CLSTN1: variants seen among roughly 807,000 people sequenced by gnomAD.
The protein encoded by CLSTN1 is calsyntenin 1, also known as calsyntenin-1.
CLSTN1 carries 28 observed loss-of-function variants against 108.3 expected under a neutral mutation model. That is an observed-to-expected ratio of 0.26 (90% CI 0.19 to 0.35). The LOEUF (loss-of-function observed/expected upper bound fraction) is 0.35, where lower values mean the gene tolerates loss of function less well. Among genes scored for constraint, CLSTN1 ranks in the 10% least tolerant of loss-of-function variants. The pLI is 1.00. For synonymous variants in CLSTN1, 524 were observed against 534.9 expected, an observed-to-expected ratio of 0.98 and a Z score of 0.28; for missense variants, 1,157 against 1,302.6, an observed-to-expected ratio of 0.89 and a Z score of 1.72.
intron 10 of CLSTN1, 30 bp downstream of exon 10, chr1:9,741,064 G>C (rs768911972): frequency 1.2e-6 from 2 of 1,602,270 alleles, no homozygotes; most frequent in African/African-American, 2.7e-5. Context: ...CTTAATTCTC[G>C]AGTCGAGGGC....
rs571859826 is a variant in CLSTN1, at chr1:9,793,813, T to C, written c.92-20419A>G. 4.0e-5 allele frequency among the ~76,000 whole-genome samples: 6 copies of C among 151,620 alleles called. No individual in the cohort carries two copies. In the South Asian group the frequency reaches 1.3e-3, roughly 33 times the overall value. Reference sequence around the variant, plus strand: ...ATCTCAAAATCTCTGAAATGTAACGTACAGAATTTCCCACAGGCAAAACAG... The same window carrying C: ...ATCTCAAAATCTCTGAAATGTAACGCACAGAATTTCCCACAGGCAAAACAG... On this transcript the variant is annotated intron_variant, in intron 1 of 18. Transcript: ENST00000377298.
intron 5 of CLSTN1, among the ~76,000 whole-genome samples, chr1:9,750,853 C>G (rs2101108810): frequency 6.6e-6 from 1 of 151,988 alleles, no homozygotes; most frequent in Non-Finnish European, 1.5e-5. Flanking sequence ...GAGTTCAAGA[C>G]CAGTCTGGCC....
chr1:9,739,232 G>T (rs1327872137), intron 10 of CLSTN1, among the ~76,000 whole-genome samples: 2 of 152,126 alleles, frequency 1.3e-5, no homozygotes, highest in Non-Finnish European at 2.9e-5. Context: ...CTGCAACTTT[G>T]TCACCAATAG....
chr1:9,749,310 G>T, intron 7 of CLSTN1, 151 bp downstream of exon 7: 2 of 790,454 alleles, frequency 2.5e-6, no homozygotes, highest in Non-Finnish European at 2.0e-6. Context: ...ATGAAAACTA[G>T]CCAGCAAGGC....
chr1:9,731,155 G>A, intron 18 of CLSTN1, 51 bp downstream of exon 18: 4 of 1,604,688 alleles, frequency 2.5e-6, no homozygotes, highest in Non-Finnish European at 3.4e-6. Context: ...CTTCTCGGAG[G>A]CCCTGGCCTG....
intron 1 of CLSTN1, among the ~76,000 whole-genome samples, chr1:9,788,867 CAAAAA>C (rs56093052): frequency 7.9e-5 from 6 of 76,280 alleles, no homozygotes; most frequent in African/African-American, 1.0e-4. Context: ...GACTCCGTCT[CAAAAA>C]AAAAAAAAAA....
intron 1 of CLSTN1, among the ~76,000 whole-genome samples, chr1:9,792,532 G>A (rs1041003809): frequency 6.6e-6 from 1 of 151,448 alleles, no homozygotes; most frequent in African/African-American, 2.4e-5. Context: ...TGATTGGGCT[G>A]TAACCTTGGG....
At chr1:9,741,900 A>C (rs1332161722) in intron 9 of CLSTN1, among the ~76,000 whole-genome samples, 1 of 152,222 alleles carries the variant, frequency 6.6e-6, no homozygotes, top group Non-Finnish European at 1.5e-5. Context: ...TGACAGAGCA[A>C]GACTCTATCT....
chr1:9,823,535 G>C lies in CLSTN1; in HGVS notation c.91+108C>G. The C allele has an allele frequency of 6.3e-6, 4 of 632,890 alleles. No homozygotes were observed. The highest frequency in any genetic ancestry group is 8.2e-6 in the Non-Finnish European group (4 of 488,204). 39.2% of individuals were successfully genotyped at this position (632,890 alleles called of 1,614,324 possible). On this transcript the variant is annotated intron_variant, in intron 1 of 18. Transcript: ENST00000377298. This position sits in a 1 kb window ranked among gnomAD's most constrained non-coding sequence, Gnocchi z 6.3. ...CATCCCGGCTCGAATCCCGGCATCC[G>C]GCCCTACTCCCGCACCCGGACCCGA...
chr1:9,754,899 T>G (rs575821065), intron 4 of CLSTN1, among the ~76,000 whole-genome samples: 3 of 152,146 alleles, frequency 2.0e-5, no homozygotes, highest in African/African-American at 7.2e-5. Context: ...ATATGCCTAA[T>G]GTGAGCAAGG....
chr1:9,733,010 G>C (rs1227318472), intron 16 of CLSTN1, among the ~76,000 whole-genome samples: 2 of 152,208 alleles, frequency 1.3e-5, no homozygotes, highest in East Asian at 1.9e-4. Context: ...GGGCAACATA[G>C]TGAGACCTCG....
At chr1:9,759,098 C>T (rs1396950184) in intron 2 of CLSTN1, among the ~76,000 whole-genome samples, 1 of 152,156 alleles carries the variant, frequency 6.6e-6, no homozygotes, top group Non-Finnish European at 1.5e-5. Flanking sequence ...AGAGTGCTCC[C>T]CTTGGCACAG....
chr1:9,756,622 A>C, intron 2 of CLSTN1, 112 bp from the exon 3 acceptor site: 77 of 828,778 alleles, frequency 9.3e-5, no homozygotes, highest in East Asian at 1.7e-4. Flanking sequence ...CACCAAGCTC[A>C]GCGACCGGCT....
rs1653844262 is a variant in CLSTN1 at position 9,793,171 on chromosome 1, C to A, written c.92-19777G>T. Among the ~76,000 whole-genome samples, 2 of 151,278 alleles carry A rather than the reference C, an allele frequency of 1.3e-5. 1 individual carries two copies. Among genetic ancestry groups the A allele is most frequent in the South Asian group, 4.4e-4 (2 of 4,588 alleles). On this transcript the variant is annotated intron_variant, in intron 1 of 18. Transcript: ENST00000377298. ...GGGACTATAAGCACGCGCCACCACA[C>A]CCAGCTAATTTTTGTATTTTTAGTA... is the stretch of plus-strand genomic sequence containing the variant.
intron 10 of CLSTN1, among the ~76,000 whole-genome samples, chr1:9,738,648 T>A (rs918912563): frequency 5.9e-5 from 9 of 152,094 alleles, no homozygotes; most frequent in African/African-American, 2.2e-4. Context: ...AAACAATCTG[T>A]GGGGTTTTTT....
At chr1:9,805,008 GC>G (rs951039321) in intron 1 of CLSTN1, among the ~76,000 whole-genome samples, 2 of 151,850 alleles carry the variant, frequency 1.3e-5, no homozygotes, top group Admixed American at 1.3e-4. Context: ...TGTAATCCCA[GC>G]TACTCGGGAG....
intron 1 of CLSTN1, among the ~76,000 whole-genome samples, chr1:9,796,149 C>A (rs1653983733): frequency 6.6e-6 from 1 of 150,416 alleles, no homozygotes; most frequent in Non-Finnish European, 1.5e-5. Context: ...GTAATCCCAG[C>A]TACTCGGGGG....
intron 1 of CLSTN1, among the ~76,000 whole-genome samples, chr1:9,806,619 C>G (rs1254617414): frequency 6.6e-6 from 1 of 152,162 alleles, no homozygotes; most frequent in Non-Finnish European, 1.5e-5. Flanking sequence ...GTGGCTCACG[C>G]CTGTAATCCC....
chr1:9,764,529 C>T (rs1023175615), intron 2 of CLSTN1, among the ~76,000 whole-genome samples: 1 of 150,462 alleles, frequency 6.6e-6, no homozygotes, highest in African/African-American at 2.4e-5. Flanking sequence ...CCCAGCTACT[C>T]GGAAGGCTGA....
Sources: gnomAD v4.1 joint callset for allele counts (sites outside exome capture counted in the v4.1 genomes callset) on GRCh38, gnomAD v4.1.1 for gene constraint, Gnocchi (gnomAD v3.1) non-coding constraint, MANE v1.5 for transcripts, NCBI Gene and HGNC (gene_info 2026-07-23, HGNC 2026-07-21) for gene names.